CSMD1: variants seen among roughly 807,000 people sequenced by gnomAD.
The protein encoded by CSMD1 is CUB and Sushi multiple domains 1.
A neutral mutation model predicts 417.5 loss-of-function variants in CSMD1; 213 were observed. The observed-to-expected ratio is 0.51, with a 90% confidence interval of 0.46 to 0.57. The LOEUF is 0.57. Among genes scored for constraint, CSMD1 ranks in the 20% least tolerant of loss-of-function variants. The probability of loss-of-function intolerance (pLI) is 0.00; values close to 1 mark genes in which losing one functional copy is unlikely to be tolerated. For synonymous variants in CSMD1, 2,862 were observed against 1,736.8 expected, an observed-to-expected ratio of 1.65 and a Z score of -16.11; for missense variants, 6,923 against 4,529.7, an observed-to-expected ratio of 1.53 and a Z score of -15.17.
intron 1 of CSMD1, among the ~76,000 whole-genome samples, chr8:4,824,082 C>CACA (rs1799674954): frequency 1.4e-5 from 2 of 147,742 alleles, no homozygotes; most frequent in African/African-American, 5.0e-5. Context: ...AAATAAATAT[C>CACA]CACACACACA....
At chr8:4,511,579 G>C (rs1802823786) in intron 2 of CSMD1, among the ~76,000 whole-genome samples, 1 of 152,138 alleles carries the variant, frequency 6.6e-6, no homozygotes, top group Non-Finnish European at 1.5e-5. Flanking sequence ...GGGGGTCATA[G>C]GACAATTTGC....
chr8:4,901,708 C>T (rs1358491412), intron 1 of CSMD1, among the ~76,000 whole-genome samples: 2 of 152,112 alleles, frequency 1.3e-5, no homozygotes, highest in Non-Finnish European at 2.9e-5. Flanking sequence ...AGCATATTAG[C>T]ATAGAGCATA....
intron 3 of CSMD1, among the ~76,000 whole-genome samples, chr8:4,076,502 G>C (rs974304160): frequency 6.6e-6 from 1 of 152,136 alleles, no homozygotes; most frequent in African/African-American, 2.4e-5. Context: ...TACTAGAAAT[G>C]TAAGTATATA....
rs544802453 is a variant in CSMD1, at chr8:4,562,217, G to A, written c.302+75125C>T. Among the ~76,000 whole-genome samples, 140 of 152,116 alleles carry A rather than the reference G, an allele frequency of 9.2e-4. 1 individual carries two copies. Among genetic ancestry groups the A allele is most frequent in the African/African-American group, 3.2e-3 (131 of 41,500 alleles). ...AAACAGACACTTGAGCCAAGTCCTG[G>A]AAGAAACGACACACCGGTGTTCCAC... On this transcript the variant is annotated intron_variant, in intron 2 of 69. Coordinates refer to ENST00000635120, the MANE Select transcript of CSMD1 (RefSeq NM_033225.6).
intron 3 of CSMD1, among the ~76,000 whole-genome samples, chr8:4,091,012 G>A (rs1225222030): frequency 3.3e-5 from 5 of 151,414 alleles, no homozygotes; most frequent in East Asian, 1.9e-4. Flanking sequence ...TCCACCTCCT[G>A]GGTTCAAGTG....
At chr8:3,354,994 G>C (rs1366082430) in intron 21 of CSMD1, among the ~76,000 whole-genome samples, 1 of 95,454 alleles carries the variant, frequency 1.0e-5, no homozygotes, top group Admixed American at 9.8e-5. Flanking sequence ...AATTAAACTA[G>C]ATATAAATTA....
intron 3 of CSMD1, among the ~76,000 whole-genome samples, chr8:4,165,966 G>C (rs1020092592): frequency 7.2e-5 from 11 of 152,198 alleles, no homozygotes; most frequent in Admixed American, 3.9e-4. Flanking sequence ...GTCACTGTAA[G>C]TAATAACAAT....
intron 5 of CSMD1, among the ~76,000 whole-genome samples, chr8:3,814,353 T>C (rs1418651460): frequency 2.0e-5 from 3 of 152,146 alleles, no homozygotes; most frequent in African/African-American, 7.2e-5. Context: ...AGGACATCTT[T>C]GACTCTAGAT....
chr8:3,495,456 G>A (rs1235663447), intron 10 of CSMD1, among the ~76,000 whole-genome samples: 2 of 152,168 alleles, frequency 1.3e-5, no homozygotes, highest in East Asian at 1.9e-4. Context: ...GGTGGAAAAA[G>A]GGCCATTCTG....
chr8:3,580,622 A>G (rs1800342374), intron 9 of CSMD1, among the ~76,000 whole-genome samples: 1 of 152,224 alleles, frequency 6.6e-6, no homozygotes, highest in Non-Finnish European at 1.5e-5. Flanking sequence ...GGTGACCTTC[A>G]GGTAAAAAGT....
intron 25 of CSMD1, among the ~76,000 whole-genome samples, chr8:3,295,894 C>T (rs140143901): frequency 4.2e-4 from 64 of 152,142 alleles, no homozygotes; most frequent in African/African-American, 9.4e-4. Context: ...AACATTTACT[C>T]GGCACCAAGA....
intron 1 of CSMD1, among the ~76,000 whole-genome samples, chr8:4,692,194 A>G (rs577421587): frequency 3.7e-4 from 57 of 152,230 alleles, no homozygotes; most frequent in Non-Finnish European, 7.4e-4. Context: ...CTGACCTCAC[A>G]GGGAAATCAT....
intron 5 of CSMD1, among the ~76,000 whole-genome samples, chr8:3,989,740 G>A (rs567605431): frequency 2.4e-4 from 37 of 152,308 alleles, no homozygotes; most frequent in African/African-American, 8.7e-4. Flanking sequence ...AAAGTCATAG[G>A]TGGGAAACGC....
chr8:3,468,365 C>G, intron 12 of CSMD1, among the ~76,000 whole-genome samples: 1 of 152,114 alleles, frequency 6.6e-6, no homozygotes, highest in Non-Finnish European at 1.5e-5. Flanking sequence ...ATTGTCTTTT[C>G]TATGTTTGCT....
intron 1 of CSMD1, among the ~76,000 whole-genome samples, chr8:4,797,251 G>C (rs369348013): frequency 2.0e-5 from 3 of 152,164 alleles, no homozygotes; most frequent in Admixed American, 6.5e-5. Context: ...CCTTTACTAT[G>C]CATGGTGAGT....
chr8:4,383,910 T>G (rs948738280), intron 3 of CSMD1, among the ~76,000 whole-genome samples: 3 of 152,186 alleles, frequency 2.0e-5, no homozygotes, highest in African/African-American at 7.2e-5. Context: ...TCATAAATGT[T>G]TATAAATATG....
intron 5 of CSMD1, among the ~76,000 whole-genome samples, chr8:3,768,219 C>G (rs986895937): frequency 6.6e-6 from 1 of 152,060 alleles, no homozygotes; most frequent in African/African-American, 2.4e-5. Flanking sequence ...CATAGACAAC[C>G]ATACAGTGGC....
chr8:4,811,588 C>A (rs1229381486), intron 1 of CSMD1, among the ~76,000 whole-genome samples: 3 of 151,972 alleles, frequency 2.0e-5, no homozygotes, highest in African/African-American at 7.3e-5. Flanking sequence ...CATCCTTTGG[C>A]AATAATTAAA....
chr8:4,107,910 AAT>A (rs1300836549), intron 3 of CSMD1, among the ~76,000 whole-genome samples: 1 of 152,196 alleles, frequency 6.6e-6, no homozygotes, highest in African/African-American at 2.4e-5. Context: ...AACTGAAACA[AAT>A]AACATTTTCG....
Sources: gnomAD v4.1 joint callset for allele counts (sites outside exome capture counted in the v4.1 genomes callset) on GRCh38, gnomAD v4.1.1 for gene constraint, MANE v1.5 for transcripts, NCBI Gene and HGNC (gene_info 2026-07-23, HGNC 2026-07-21) for gene names.